Variants in NEGR1 observed in about 807,000 individuals in gnomAD.
NEGR1 encodes IgLON family member 4.
NEGR1 carries 10 observed loss-of-function variants against 40.9 expected under a neutral mutation model. That is an observed-to-expected ratio of 0.24 (90% CI 0.15 to 0.42). NEGR1 has a LOEUF of 0.42. NEGR1 is among the 10% of genes least tolerant of loss of function. The pLI, the probability that NEGR1 is intolerant of heterozygous loss-of-function variation, is 1.00. For synonymous variants in NEGR1, 185 were observed against 166.8 expected (o/e 1.11, Z -0.84); for missense variants, 352 against 438.9 (o/e 0.80, Z 1.77).
At chr1:72,186,451 C>T (rs1387525926) in intron 1 of NEGR1, among the ~76,000 whole-genome samples, 2 of 151,490 alleles carry the variant, frequency 1.3e-5, no homozygotes, top group Non-Finnish European at 3.0e-5. Flanking sequence ...GTAATGCATA[C>T]CATAAGCCAT....
intron 1 of NEGR1, among the ~76,000 whole-genome samples, chr1:71,982,211 A>C (rs896168128): frequency 6.6e-6 from 1 of 152,204 alleles, no homozygotes; most frequent in Non-Finnish European, 1.5e-5. Context: ...CCAAGGCCCA[A>C]TGTAAATATG....
At chr1:71,827,872 T>C (rs1366804911) in intron 2 of NEGR1, among the ~76,000 whole-genome samples, 1 of 151,540 alleles carries the variant, frequency 6.6e-6, no homozygotes, top group Non-Finnish European at 1.5e-5. Flanking sequence ...CCTATGTCAA[T>C]GATAAAGATG....
intron 1 of NEGR1, among the ~76,000 whole-genome samples, chr1:71,951,796 C>G (rs1231076411): frequency 6.6e-6 from 1 of 151,838 alleles, no homozygotes; most frequent in African/African-American, 2.4e-5. Flanking sequence ...TTTCCAACAG[C>G]ATGTGCTCAC....
rs1262466711 is a variant in NEGR1, at chr1:71,846,051, A to G, written c.410-69754T>C. Among the ~76,000 whole-genome samples, 6 of 149,706 alleles carry G rather than the reference A, an allele frequency of 4.0e-5. No individual in the cohort carries two copies. In the East Asian group the frequency reaches 1.2e-3, roughly 30 times the overall value. On this transcript the variant is annotated intron_variant, in intron 2 of 6. Transcript: ENST00000357731. ...AGCCCTAGGATTACAGGCATGGGCC[A>G]CCACCCCCAGCCAAGAGCCAGATTT...
chr1:71,651,209 G>T (rs1351695329), intron 4 of NEGR1, among the ~76,000 whole-genome samples: 1 of 152,052 alleles, frequency 6.6e-6, no homozygotes, highest in African/African-American at 2.4e-5. Context: ...CCTATATATG[G>T]GGGATTATGC....
chr1:72,232,456 C>T (rs1654398289), intron 1 of NEGR1, among the ~76,000 whole-genome samples: 1 of 151,992 alleles, frequency 6.6e-6, no homozygotes, highest in African/African-American at 2.4e-5. Context: ...TTAGTATATT[C>T]TCCTTCCTTA....
In NEGR1 at chr1:71,981,851, A is replaced by G. The variant is rs563667665; in HGVS notation, c.177-46540T>C. Among the ~76,000 whole-genome samples, 11 of 152,272 alleles carry G rather than the reference A, an allele frequency of 7.2e-5. No homozygotes were observed. The East Asian group carries it at 2.1e-3, about 29-fold the overall frequency. On this transcript the variant is annotated intron_variant, in intron 1 of 6. Transcript: ENST00000357731. ...CAGTGAAAAAGATGAAACTTTCCCT[A>G]CAGTTTATATTCATGATATGAACTA... is the stretch of plus-strand genomic sequence containing the variant.
chr1:71,624,355 G>A (rs761550118), intron 4 of NEGR1, among the ~76,000 whole-genome samples: 1 of 151,826 alleles, frequency 6.6e-6, no homozygotes, highest in Non-Finnish European at 1.5e-5. Context: ...TCCTGGTTTT[G>A]GCTTTTGCTC....
At chr1:71,436,374 A>T (rs1646509992) in intron 6 of NEGR1, among the ~76,000 whole-genome samples, 2 of 152,188 alleles carry the variant, frequency 1.3e-5, no homozygotes, top group Non-Finnish European at 2.9e-5. Flanking sequence ...GACAATGAGG[A>T]AGAAGATGCA....
At chr1:71,788,677 A>ATGTG (rs10691626) in intron 2 of NEGR1, among the ~76,000 whole-genome samples, 23 of 149,356 alleles carry the variant, frequency 1.5e-4, no homozygotes, top group East Asian at 7.9e-4. Context: ...GAATACAAGC[A>ATGTG]TGTGTGTGTG....
intron 2 of NEGR1, among the ~76,000 whole-genome samples, chr1:71,779,789 G>A (rs1271515226): frequency 1.3e-5 from 2 of 151,812 alleles, no homozygotes; most frequent in Non-Finnish European, 2.9e-5. Context: ...GGCTGCTCTC[G>A]AACTCCTGAC....
At chr1:71,757,650 C>A (rs535387850) in intron 3 of NEGR1, among the ~76,000 whole-genome samples, 9 of 152,126 alleles carry the variant, frequency 5.9e-5, no homozygotes, top group Middle Eastern at 3.4e-3. Context: ...TATTCCATTT[C>A]TTGTCCTCCC....
At chr1:72,097,024 T>C (rs1010192472) in intron 1 of NEGR1, among the ~76,000 whole-genome samples, 7 of 152,112 alleles carry the variant, frequency 4.6e-5, no homozygotes, top group African/African-American at 7.2e-5. Flanking sequence ...GATAAATATT[T>C]TGCACTTTCA....
chr1:71,705,306 CAAAG>C (rs1409948742), intron 3 of NEGR1, among the ~76,000 whole-genome samples: 1 of 151,940 alleles, frequency 6.6e-6, no homozygotes, highest in African/African-American at 2.4e-5. Flanking sequence ...TAGAAGGAAA[CAAAG>C]AAGAAAATCT....
chr1:72,159,967 GTTAAA>G (rs146908016), intron 1 of NEGR1, among the ~76,000 whole-genome samples: 50 of 152,196 alleles, frequency 3.3e-4, no homozygotes, highest in African/African-American at 1.2e-3. Flanking sequence ...TGTAGCCAAA[GTTAAA>G]TTAAATAGAT....
Position 71,935,125 on chromosome 1 carries a change from C to T in NEGR1, c.363G>A (p.Gln121=), listed in dbSNP as rs1645892469. ...GCATTGTTCTGGGTGTATGTTGAGT[C>T]TGAACAGAACACGTGTATGGGCCAT... The part of the protein sequence containing the change: ...TDDGPYTCSV[Q]TQHTPRTMQV... Residue 121 remains glutamine, a synonymous_variant, in exon 2 of 7, where the codon CAG becomes CAA. Transcript: ENST00000357731. 6.2e-7 allele frequency: 1 copy of T among 1,613,678 alleles called. No individual in the cohort carries two copies. Among genetic ancestry groups the T allele is most frequent in the Non-Finnish European group, 8.5e-7 (1 of 1,179,644 alleles).
At chr1:72,222,428 T>C (rs1303790403) in intron 1 of NEGR1, among the ~76,000 whole-genome samples, 1 of 152,094 alleles carries the variant, frequency 6.6e-6, no homozygotes, top group African/African-American at 2.4e-5. Context: ...TTCAGATGCA[T>C]GGACACCAAC....
intron 6 of NEGR1, among the ~76,000 whole-genome samples, chr1:71,541,044 C>G (rs1329087309): frequency 6.6e-6 from 1 of 151,518 alleles, no homozygotes; most frequent in African/African-American, 2.4e-5. Flanking sequence ...CCCCCATGAT[C>G]AAAACACCTC....
intron 1 of NEGR1, chr1:72,274,991 C>A: frequency 6.5e-7 from 1 of 1,535,420 alleles, no homozygotes; most frequent in Non-Finnish European, 9.0e-7. Context: ...ATAGTTAGTA[C>A]GACTGTGGAA....
Sources: gnomAD v4.1 joint callset for allele counts (sites outside exome capture counted in the v4.1 genomes callset) on GRCh38, gnomAD v4.1.1 for gene constraint, MANE v1.5 for transcripts, NCBI Gene and HGNC (gene_info 2026-07-23, HGNC 2026-07-21) for gene names.